The following SETD2 variants were observed in gnomAD, a reference collection of about 807,000 sequenced individuals.
The protein encoded by SETD2 is SET domain containing 2, histone lysine methyltransferase, also known as histone-lysine N-methyltransferase SETD2.
A neutral mutation model predicts 242.1 loss-of-function variants in SETD2; 31 were observed. The ratio of observed to expected loss-of-function variants is 0.13; its 90% CI spans 0.10 to 0.17. The LOEUF is 0.17. SETD2 is among the 10% of genes least tolerant of loss of function. The probability of loss-of-function intolerance (pLI) is 1.00; values close to 1 mark genes in which losing one functional copy is unlikely to be tolerated. For synonymous variants in SETD2, 1,006 were observed against 1,066.5 expected (o/e 0.94, Z 1.11); for missense variants, 2,481 against 3,046.3 (o/e 0.81, Z 4.37).
intron 18 of SETD2, among the ~76,000 whole-genome samples, chr3:47,025,598 C>G: frequency 6.6e-6 from 1 of 152,212 alleles, no homozygotes; most frequent in Non-Finnish European, 1.5e-5. Flanking sequence ...TGCATCCAAA[C>G]TCTCACCAAA....
intron 6 of SETD2, among the ~76,000 whole-genome samples, 194 bp from the exon 7 acceptor site, chr3:47,103,617 G>C (rs1464438066): frequency 6.6e-6 from 1 of 152,054 alleles, no homozygotes; most frequent in African/African-American, 2.4e-5. Flanking sequence ...CAATGGCTCA[G>C]TTTCCATTAT....
intron 19 of SETD2, among the ~76,000 whole-genome samples, chr3:47,019,357 G>C (rs1026884194): frequency 6.6e-6 from 1 of 152,198 alleles, no homozygotes; most frequent in Non-Finnish European, 1.5e-5. Context: ...GGGACAAAAT[G>C]AGTCAATGGG....
rs181939238 is a variant in SETD2, at chr3:47,133,689, C to T, written c.72-7026G>A. Among the ~76,000 whole-genome samples the T allele has an allele frequency of 7.6e-3, 1,159 of 152,174 alleles. 11 individuals carry two copies. Among genetic ancestry groups the T allele is most frequent in the Middle Eastern group, 0.024 (7 of 294 alleles). On this transcript the variant is annotated intron_variant, in intron 1 of 20. Transcript: ENST00000409792. The stretch of plus-strand genomic sequence containing the variant: ...CAGAGGTTGCAGTGAGCCAACATCA[C>T]GCCACTGTACTCCAGTCTGGGCCAC...
intron 1 of SETD2, among the ~76,000 whole-genome samples, chr3:47,153,372 C>A (rs2106831166): frequency 6.6e-6 from 1 of 152,272 alleles, no homozygotes; most frequent in South Asian, 2.1e-4. Context: ...ATAAGTCCAA[C>A]TATGGAAAAA....
At chr3:47,148,258 G>A (rs187834368) in intron 1 of SETD2, among the ~76,000 whole-genome samples, 258 of 152,104 alleles carry the variant, frequency 1.7e-3, no homozygotes, top group African/African-American at 5.8e-3. Flanking sequence ...AGCCTCCCAA[G>A]TAGTTGGGAT....
At chr3:47,055,711 TA>T (rs2040025373) in intron 15 of SETD2, among the ~76,000 whole-genome samples, 1 of 136,642 alleles carries the variant, frequency 7.3e-6, no homozygotes, top group Non-Finnish European at 1.6e-5. Flanking sequence ...AAATAAAAAA[TA>T]AAAAAAAGTT....
rs1575809321 is a variant in SETD2, at chr3:47,120,044, CTT to C, written c.4454+136_4454+137del. 3.9e-6 allele frequency: 3 copies of C among 772,726 alleles called. No individual in the cohort carries two copies. The East Asian group carries it at 8.4e-5, about 22-fold the overall frequency. 47.9% of individuals were successfully genotyped at this position (772,726 alleles called of 1,614,324 possible). ...TATCAAATCTAAATAGGTAAAAACA[CTT>C]TTTTAGACTTTTAAATTTACTTTAT... On this transcript the variant is annotated intron_variant, in intron 3 of 20. Coordinates refer to ENST00000409792, the MANE Select transcript of SETD2 (RefSeq NM_014159.7).
Position 47,017,082 on chromosome 3 carries a change from T to C in SETD2, c.*11A>G. The C allele has an allele frequency of 7.4e-6, 12 of 1,613,730 alleles. No homozygotes were observed. Among genetic ancestry groups the C allele is most frequent in the Non-Finnish European group, 1.0e-5 (12 of 1,179,738 alleles). ...TACCTGACCACCCATCCTCCCACCCTGGCCCAACAGTCACTCTAATTCAGT... is the reference window on the plus strand; with the variant it reads ...TACCTGACCACCCATCCTCCCACCCCGGCCCAACAGTCACTCTAATTCAGT... On this transcript the variant is annotated 3_prime_UTR_variant, in exon 21 of 21. Transcript: ENST00000409792. The surrounding 1 kb of genome is among the most constrained non-coding windows in gnomAD (Gnocchi z 4.8).
intron 1 of SETD2, among the ~76,000 whole-genome samples, chr3:47,145,077 CTA>C (rs1378249672): frequency 1.3e-5 from 2 of 152,078 alleles, no homozygotes; most frequent in African/African-American, 4.8e-5. Context: ...GTTTTCATGC[CTA>C]CATCTACAGA....
chr3:47,058,658 G>T lies in SETD2; in HGVS notation c.6294-1168C>A, dbSNP rs553712088. Among the ~76,000 whole-genome samples the T allele has an allele frequency of 1.8e-4, 28 of 151,496 alleles. No homozygotes were observed. In the South Asian group the frequency reaches 5.8e-3, roughly 32 times the overall value. On this transcript the variant is annotated intron_variant, in intron 14 of 20. Transcript: ENST00000409792. ...CTAAAATGCAATACGACAAGTGAAA[G>T]AAGGCAAATTCAAATGCTATATACT...
At chr3:47,106,508 A>T (rs1258179009) in intron 5 of SETD2, among the ~76,000 whole-genome samples, 8 of 133,818 alleles carry the variant, frequency 6.0e-5, no homozygotes, top group Admixed American at 1.7e-4. Flanking sequence ...AAAAAAAAAA[A>T]AAAAAAAAAA....
At chr3:47,072,581 G>A (rs2040871828) in intron 12 of SETD2, among the ~76,000 whole-genome samples, 1 of 151,996 alleles carries the variant, frequency 6.6e-6, no homozygotes, top group Admixed American at 6.6e-5. Flanking sequence ...AACACTTTGG[G>A]AGGCCAAGGC....
intron 8 of SETD2, among the ~76,000 whole-genome samples, chr3:47,100,269 T>G (rs1036593317): frequency 2.0e-5 from 3 of 151,456 alleles, no homozygotes; most frequent in Non-Finnish European, 4.4e-5. Flanking sequence ...TTCGTTTGCT[T>G]TTTATTTTTT....
chr3:47,042,548 C>T lies in SETD2; in HGVS notation c.7238+13G>A, dbSNP rs1559656569. The T allele has an allele frequency of 6.2e-7, 1 of 1,613,898 alleles. No individual in the cohort carries two copies. The highest frequency in any genetic ancestry group is 8.5e-7 in the Non-Finnish European group (1 of 1,179,862). On this transcript the variant is annotated intron_variant, in intron 17 of 20. Coordinates refer to ENST00000409792, the MANE Select transcript of SETD2 (RefSeq NM_014159.7). ...AAAAGCAGACATGGGAACGCCCATA[C>T]AGCTCCTCTTACCTTGTGATCACAT... is the stretch of plus-strand genomic sequence containing the variant.
chr3:47,072,721 A>G (rs7633435), intron 12 of SETD2, among the ~76,000 whole-genome samples: 99,071 of 151,750 alleles, frequency 0.65, 32,771 homozygotes, highest in African/African-American at 0.76. Flanking sequence ...CGAGGCAGGC[A>G]GATCACGAGG....
chr3:47,100,737 G>C (rs1353115665), intron 8 of SETD2, among the ~76,000 whole-genome samples: 1 of 151,868 alleles, frequency 6.6e-6, no homozygotes, highest in Non-Finnish European at 1.5e-5. Context: ...CAGGCCGGGC[G>C]CAGTGGCTCA....
At chr3:47,091,958 A>C (rs1056323254) in intron 9 of SETD2, among the ~76,000 whole-genome samples, 11 of 151,998 alleles carry the variant, frequency 7.2e-5, no homozygotes, top group Non-Finnish European at 1.2e-4. Context: ...AACAAACAAA[A>C]AAAAAGAGGT....
intron 1 of SETD2, among the ~76,000 whole-genome samples, chr3:47,143,087 G>C (rs762854192): frequency 2.6e-5 from 4 of 152,174 alleles, no homozygotes; most frequent in Non-Finnish European, 5.9e-5. Flanking sequence ...AGCCCAAGGA[G>C]CTCAAGACTA....
intron 1 of SETD2, among the ~76,000 whole-genome samples, chr3:47,142,916 C>T (rs376631051): frequency 5.3e-5 from 8 of 152,178 alleles, no homozygotes; most frequent in African/African-American, 1.7e-4. Flanking sequence ...TGATCTGCCC[C>T]ACCTCAGCCT....
Sources: gnomAD v4.1 joint callset for allele counts (sites outside exome capture counted in the v4.1 genomes callset) on GRCh38, gnomAD v4.1.1 for gene constraint, Gnocchi (gnomAD v3.1) non-coding constraint, MANE v1.5 for transcripts, NCBI Gene and HGNC (gene_info 2026-07-23, HGNC 2026-07-21) for gene names.